Variants in MAML3 observed in about 807,000 individuals in gnomAD.
MAML3 encodes mastermind like transcriptional coactivator 3.
In MAML3, 27 loss-of-function variants were observed where a neutral mutation model predicts 101.9. That is an observed-to-expected ratio of 0.27 (90% CI 0.20 to 0.37). The LOEUF (loss-of-function observed/expected upper bound fraction) is 0.37, where lower values mean the gene tolerates loss of function less well. Among genes scored for constraint, MAML3 ranks in the 10% least tolerant of loss-of-function variants. The pLI is 1.00. For synonymous variants in MAML3, 501 were observed against 555.9 expected, an observed-to-expected ratio of 0.90 and a Z score of 1.39; for missense variants, 1,316 against 1,444.9, an observed-to-expected ratio of 0.91 and a Z score of 1.45.
chr4:139,995,964 C>G (rs1734800538), intron 1 of MAML3, among the ~76,000 whole-genome samples: 1 of 151,902 alleles, frequency 6.6e-6, no homozygotes, highest in South Asian at 2.1e-4. Flanking sequence ...TTAGCTGTAT[C>G]CCATAATTTT....
intron 2 of MAML3, among the ~76,000 whole-genome samples, chr4:139,806,319 TAG>T (rs1730699384): frequency 6.6e-6 from 1 of 152,042 alleles, no homozygotes; most frequent in Non-Finnish European, 1.5e-5. Flanking sequence ...CAGACATGAA[TAG>T]AGACAGTTTA....
chr4:139,719,370 C>G lies in MAML3; in HGVS notation c.3370G>C (p.Gly1124Arg). 1 of 1,611,140 alleles carries G rather than the reference C, an allele frequency of 6.2e-7. No individual in the cohort carries two copies. The highest frequency in any genetic ancestry group is 1.1e-5 in the South Asian group (1 of 90,822). ...LVDSIIKGGP[G>R]DEWMQELDEL... The stretch of plus-strand genomic sequence containing the variant: ...TCAAGCTCCTGCATCCACTCGTCCC[C>G]TGGCCCGCCTTTGATGATGGAGTCC... The change falls in exon 5 of 5, where the codon GGG becomes CGG. Residue 1124 changes from glycine to arginine, a missense_variant. Coordinates refer to ENST00000509479, the MANE Select transcript of MAML3 (RefSeq NM_018717.5).
At chr4:139,931,609 C>G (rs894433713) in intron 1 of MAML3, among the ~76,000 whole-genome samples, 1 of 152,154 alleles carries the variant, frequency 6.6e-6, no homozygotes, top group African/African-American at 2.4e-5. Flanking sequence ...CATCAGAAGC[C>G]TTTGTCTTCC....
At chr4:139,925,427 G>A (rs558081504) in intron 1 of MAML3, among the ~76,000 whole-genome samples, 46 of 152,088 alleles carry the variant, frequency 3.0e-4, no homozygotes, top group African/African-American at 1.0e-3. Context: ...ATGGGGTTTC[G>A]TCATGTTGGC....
At chr4:140,070,011 G>C (rs1727620138) in intron 1 of MAML3, among the ~76,000 whole-genome samples, 1 of 152,088 alleles carries the variant, frequency 6.6e-6, no homozygotes, top group South Asian at 2.1e-4. Context: ...AGCTACTCAG[G>C]AGGCTGAGGT....
chr4:139,841,813 G>A (rs570554795), intron 2 of MAML3, among the ~76,000 whole-genome samples: 1 of 152,330 alleles, frequency 6.6e-6, no homozygotes, highest in South Asian at 2.1e-4. Flanking sequence ...TTAGCATAAT[G>A]AAAAGGCAAG....
chr4:139,739,663 G>A (rs1446625684), intron 2 of MAML3, among the ~76,000 whole-genome samples: 1 of 143,122 alleles, frequency 7.0e-6, no homozygotes, highest in Non-Finnish European at 1.5e-5. Flanking sequence ...GTTAAGAAAG[G>A]CAGGGGAGGA....
chr4:140,119,627 C>CTT (rs368962653), intron 1 of MAML3, among the ~76,000 whole-genome samples: 13 of 138,068 alleles, frequency 9.4e-5, no homozygotes, highest in African/African-American at 1.6e-4. Flanking sequence ...TCCTCCCTTC[C>CTT]TTTTTTTTTT....
chr4:139,782,288 G>C (rs1730229477), intron 2 of MAML3, among the ~76,000 whole-genome samples: 1 of 152,018 alleles, frequency 6.6e-6, no homozygotes, highest in Non-Finnish European at 1.5e-5. Flanking sequence ...TCAGCCTCTC[G>C]AGTAGCTTGG....
intron 2 of MAML3, among the ~76,000 whole-genome samples, chr4:139,871,598 C>G (rs1390594237): frequency 1.3e-5 from 2 of 152,186 alleles, no homozygotes; most frequent in African/African-American, 4.8e-5. Flanking sequence ...TTTCAGAAAC[C>G]TACAATGACT....
intron 2 of MAML3, among the ~76,000 whole-genome samples, chr4:139,856,061 T>C (rs1014355741): frequency 2.0e-5 from 3 of 152,144 alleles, no homozygotes; most frequent in Non-Finnish European, 4.4e-5. Flanking sequence ...CACACTGCAG[T>C]GCAACTGTCT....
At chr4:139,827,191 T>C (rs1383400516) in intron 2 of MAML3, among the ~76,000 whole-genome samples, 1 of 152,118 alleles carries the variant, frequency 6.6e-6, no homozygotes, top group East Asian at 1.9e-4. Flanking sequence ...GGGAGGTGTA[T>C]GTATTCAGAA....
chr4:139,732,490 C>T (rs1353955182), intron 2 of MAML3, among the ~76,000 whole-genome samples: 1 of 152,138 alleles, frequency 6.6e-6, no homozygotes, highest in Non-Finnish European at 1.5e-5. Context: ...GAAACAATCA[C>T]CCAAGAAGCT....
At chr4:140,121,845 A>G (rs1263962379) in intron 1 of MAML3, among the ~76,000 whole-genome samples, 4 of 152,174 alleles carry the variant, frequency 2.6e-5, no homozygotes, top group Non-Finnish European at 5.9e-5. Flanking sequence ...AGTTCCCATG[A>G]TCCCCACGTG....
intron 3 of MAML3, among the ~76,000 whole-genome samples, chr4:139,727,311 C>T (rs1728512258): frequency 6.6e-6 from 1 of 152,184 alleles, no homozygotes; most frequent in African/African-American, 2.4e-5. Flanking sequence ...CAAGAAACCA[C>T]ACAAATCTTT....
chr4:140,062,245 A>G (rs79405366), intron 1 of MAML3, among the ~76,000 whole-genome samples: 6,408 of 152,256 alleles, frequency 0.042, 331 homozygotes, highest in African/African-American at 0.12. Context: ...AGAGAACATG[A>G]ACAAAATTAA....
intron 1 of MAML3, among the ~76,000 whole-genome samples, chr4:139,909,999 T>C (rs1560833149): frequency 1.3e-5 from 2 of 150,188 alleles, no homozygotes. Context: ...AGCAAAGAGA[T>C]AAAAAAAAAC....
At chr4:140,016,403 C>T (rs1343080328) in intron 1 of MAML3, among the ~76,000 whole-genome samples, 1 of 151,944 alleles carries the variant, frequency 6.6e-6, no homozygotes, top group African/African-American at 2.4e-5. Context: ...AAAATCCCAG[C>T]AATAGATTTG....
intron 1 of MAML3, among the ~76,000 whole-genome samples, chr4:139,895,020 A>G (rs10026813): frequency 0.68 from 103,554 of 152,152 alleles, 36,986 homozygotes; most frequent in Non-Finnish European, 0.81. Flanking sequence ...GTTCCAGGTC[A>G]TGCAATGAAT....
Sources: allele counts gnomAD v4.1 joint callset (sites outside exome capture counted in the v4.1 genomes callset), GRCh38; gene constraint gnomAD v4.1.1; transcripts MANE v1.5; gene names NCBI Gene and HGNC (gene_info 2026-07-23, HGNC 2026-07-21).